NXPH1: variants seen among roughly 807,000 people sequenced by gnomAD.
NXPH1 encodes the protein neurexophilin-1.
NXPH1 carries 5 observed loss-of-function variants against 23.7 expected under a neutral mutation model. The observed-to-expected ratio is 0.21, with a 90% CI of 0.11 to 0.44. The LOEUF (loss-of-function observed/expected upper bound fraction) is 0.44. NXPH1 is among the 20% of genes least tolerant of loss of function. The pLI is 0.99. For missense variants in NXPH1, 324 were observed against 321.6 expected (o/e 1.01, Z -0.06); for synonymous variants, 144 against 122.2 (o/e 1.18, Z -1.18).
chr7:8,460,453 T>G (rs1385856552), intron 2 of NXPH1, among the ~76,000 whole-genome samples: 1 of 152,210 alleles, frequency 6.6e-6, no homozygotes, highest in Non-Finnish European at 1.5e-5. Context: ...ATTCAGGGGT[T>G]TGAGCCTTGA....
At chr7:8,593,179 T>TC (rs1819138392) in intron 2 of NXPH1, among the ~76,000 whole-genome samples, 1 of 151,758 alleles carries the variant, frequency 6.6e-6, no homozygotes, top group African/African-American at 2.4e-5. Flanking sequence ...GCATTTTTTT[T>TC]TTTTTTTCTA....
At chr7:8,477,087 G>T (rs1224058278) in intron 2 of NXPH1, among the ~76,000 whole-genome samples, 1 of 152,146 alleles carries the variant, frequency 6.6e-6, no homozygotes, top group Non-Finnish European at 1.5e-5. Context: ...CCATGTCTGT[G>T]TAGTTGGGAG....
chr7:8,596,307 A>G (rs959481624), intron 2 of NXPH1, among the ~76,000 whole-genome samples: 2 of 152,092 alleles, frequency 1.3e-5, no homozygotes, highest in Non-Finnish European at 2.9e-5. Flanking sequence ...TAAAACCTTA[A>G]AAAGGATAAG....
chr7:8,717,776 T>TA (rs1248001650), intron 2 of NXPH1, among the ~76,000 whole-genome samples: 1 of 152,154 alleles, frequency 6.6e-6, no homozygotes, highest in Non-Finnish European at 1.5e-5. Flanking sequence ...TCTTGATCTT[T>TA]ACATCATTCA....
chr7:8,660,549 A>G (rs888323004), intron 2 of NXPH1, among the ~76,000 whole-genome samples: 1 of 152,246 alleles, frequency 6.6e-6, no homozygotes, highest in Non-Finnish European at 1.5e-5. Flanking sequence ...AAAAATGAAT[A>G]AGGCTCAAAT....
At chr7:8,488,354 T>C (rs911602527) in intron 2 of NXPH1, among the ~76,000 whole-genome samples, 11 of 152,160 alleles carry the variant, frequency 7.2e-5, no homozygotes, top group African/African-American at 2.7e-4. Context: ...TTAGTTGTGA[T>C]ATCAGGCTTC....
chr7:8,454,109 A>G (rs911207144), intron 2 of NXPH1, among the ~76,000 whole-genome samples: 7 of 151,872 alleles, frequency 4.6e-5, no homozygotes, highest in African/African-American at 1.7e-4. Flanking sequence ...TGGGGAGGAG[A>G]GAGAGGATCA....
At chr7:8,610,061 C>A (rs865927359) in intron 2 of NXPH1, among the ~76,000 whole-genome samples, 4 of 152,040 alleles carry the variant, frequency 2.6e-5, no homozygotes, top group African/African-American at 4.8e-5. Context: ...ATGAAGAATT[C>A]ATAACATTTT....
At chr7:8,584,650 C>A (rs776544944) in intron 2 of NXPH1, among the ~76,000 whole-genome samples, 22 of 152,032 alleles carry the variant, frequency 1.4e-4, no homozygotes, top group Non-Finnish European at 1.6e-4. Flanking sequence ...AGGACTTGTT[C>A]AAAAAACATT....
chr7:8,661,669 G>A (rs1017903943), intron 2 of NXPH1, among the ~76,000 whole-genome samples: 3 of 152,086 alleles, frequency 2.0e-5, no homozygotes, highest in Admixed American at 6.6e-5. Context: ...AAATGTAAGC[G>A]AAATTTATGA....
At chr7:8,522,233 G>A (rs773022446) in intron 2 of NXPH1, among the ~76,000 whole-genome samples, 2 of 152,250 alleles carry the variant, frequency 1.3e-5, no homozygotes, top group South Asian at 2.1e-4. Flanking sequence ...ATAGGAGGCC[G>A]TTCTTGTGAA....
chr7:8,585,329 G>C (rs1368141097), intron 2 of NXPH1, among the ~76,000 whole-genome samples: 1 of 139,186 alleles, frequency 7.2e-6, no homozygotes, highest in Non-Finnish European at 1.5e-5. Context: ...TGCTCTGCCT[G>C]GGAGTGGGGA....
intron 2 of NXPH1, among the ~76,000 whole-genome samples, chr7:8,459,089 ATT>A (rs369440813): frequency 6.7e-6 from 1 of 148,930 alleles, no homozygotes; most frequent in South Asian, 2.2e-4. Context: ...TTTTTCCTTG[ATT>A]TTTTTTTTCT....
chr7:8,657,783 T>A (rs1820604739), intron 2 of NXPH1, among the ~76,000 whole-genome samples: 1 of 152,220 alleles, frequency 6.6e-6, no homozygotes, highest in South Asian at 2.1e-4. Flanking sequence ...ATCCCAGCAC[T>A]TTGGGAGGCC....
intron 2 of NXPH1, among the ~76,000 whole-genome samples, chr7:8,573,555 G>C (rs1818692587): frequency 6.6e-6 from 1 of 152,142 alleles, no homozygotes; most frequent in Non-Finnish European, 1.5e-5. Flanking sequence ...GGAGCATAAT[G>C]CATGAGTGAT....
chr7:8,506,184 C>T (rs1028902749), intron 2 of NXPH1, among the ~76,000 whole-genome samples: 2 of 151,966 alleles, frequency 1.3e-5, no homozygotes, highest in African/African-American at 2.4e-5. Flanking sequence ...ATTTCTAATA[C>T]ATTTGTTGAG....
At position 8,618,454 on chromosome 7, in the gene NXPH1, A is replaced by G. The variant is rs993446493; in HGVS notation, c.55-132554A>G. Among the ~76,000 whole-genome samples the G allele has an allele frequency of 2.6e-5, 4 of 152,290 alleles. No homozygotes were observed. The East Asian group carries it at 7.7e-4, about 29-fold the overall frequency. ...TGTTTAGCCAATGAGCGTAAAGGTA[A>G]TTAAATATTTTATTAACTTTGTATA... On this transcript the variant is annotated intron_variant, in intron 2 of 2. Transcript: ENST00000405863.
At chr7:8,484,864 C>G (rs1817132168) in intron 2 of NXPH1, among the ~76,000 whole-genome samples, 1 of 152,158 alleles carries the variant, frequency 6.6e-6, no homozygotes, top group African/African-American at 2.4e-5. Context: ...TATTTAGATA[C>G]AGAAGCCATC....
At chr7:8,713,010 CCT>C (rs1464096433) in intron 2 of NXPH1, among the ~76,000 whole-genome samples, 14 of 151,402 alleles carry the variant, frequency 9.2e-5, no homozygotes, top group Non-Finnish European at 1.3e-4. Context: ...TTTTTACCCC[CCT>C]CTCTCTCTAC....
Sources: allele counts gnomAD v4.1 joint callset (sites outside exome capture counted in the v4.1 genomes callset), GRCh38; gene constraint gnomAD v4.1.1; transcripts MANE v1.5; gene names NCBI Gene and HGNC (gene_info 2026-07-23, HGNC 2026-07-21).